Variants in ATP8A2 observed in about 807,000 individuals in gnomAD.
The protein encoded by ATP8A2 is ATPase phospholipid transporting 8A2, also known as phospholipid-transporting ATPase IB.
Under a neutral mutation model 165.6 loss-of-function variants are expected in ATP8A2, and 100 were observed. The observed-to-expected ratio is 0.60, with a 90% CI of 0.51 to 0.71. ATP8A2 has a LOEUF of 0.71. Ranked by LOEUF, ATP8A2 falls within the 30% of genes least tolerant of loss-of-function variation. ATP8A2 has a pLI of 0.00. For missense variants in ATP8A2, 1,227 were observed against 1,479.5 expected, an observed-to-expected ratio of 0.83 and a Z score of 2.80; for synonymous variants, 543 against 548.8, an observed-to-expected ratio of 0.99 and a Z score of 0.15.
chr13:25,471,353 GTT>G (rs1295573875), intron 2 of ATP8A2, among the ~76,000 whole-genome samples: 12,317 of 143,728 alleles, frequency 0.086, 817 homozygotes, highest in African/African-American at 0.19. Flanking sequence ...GGAAGGTAAA[GTT>G]TTTTTTTTTT....
At chr13:25,957,918 T>C (rs1285869596) in intron 33 of ATP8A2, among the ~76,000 whole-genome samples, 1 of 152,084 alleles carries the variant, frequency 6.6e-6, no homozygotes, top group East Asian at 1.9e-4. Context: ...ATATAAACCA[T>C]GGAATACTAT....
chr13:25,868,462 A>G (rs749268036), intron 33 of ATP8A2, among the ~76,000 whole-genome samples: 1 of 152,222 alleles, frequency 6.6e-6, no homozygotes, highest in Non-Finnish European at 1.5e-5. Context: ...TTCGGTTTGG[A>G]ATAACATCGT....
intron 27 of ATP8A2, among the ~76,000 whole-genome samples, chr13:25,821,295 A>G (rs989091300): frequency 2.0e-5 from 3 of 152,218 alleles, no homozygotes; most frequent in African/African-American, 7.2e-5. Context: ...GTTAATGTCA[A>G]CAAGGTCAGT....
intron 28 of ATP8A2, among the ~76,000 whole-genome samples, chr13:25,829,238 T>C (rs1951394780): frequency 2.0e-5 from 3 of 152,290 alleles, no homozygotes; most frequent in Admixed American, 2.0e-4. Context: ...GAGTTGAAAT[T>C]GTGTTGGTGA....
intron 33 of ATP8A2, among the ~76,000 whole-genome samples, chr13:25,871,654 C>CTTAA (rs1410396897): frequency 6.6e-6 from 1 of 152,154 alleles, no homozygotes; most frequent in Non-Finnish European, 1.5e-5. Flanking sequence ...ACTGAACAGA[C>CTTAA]TTAAAAGTAG....
intron 2 of ATP8A2, among the ~76,000 whole-genome samples, chr13:25,481,819 G>A (rs894608645): frequency 6.6e-6 from 1 of 152,138 alleles, no homozygotes; most frequent in South Asian, 2.1e-4. Context: ...GAGCGAGAGT[G>A]AAGGAGAGAC....
chr13:25,445,161 A>G (rs887245145), intron 1 of ATP8A2, among the ~76,000 whole-genome samples: 4 of 152,200 alleles, frequency 2.6e-5, no homozygotes, highest in African/African-American at 9.7e-5. Context: ...TTTGATTTTA[A>G]TGAAGTCAAA....
chr13:25,505,489 A>G (rs9578871), intron 2 of ATP8A2, among the ~76,000 whole-genome samples: 108,151 of 152,160 alleles, frequency 0.71, 40,087 homozygotes, highest in African/African-American at 0.85. Context: ...ATTTAACCTC[A>G]TAGACTTCTT....
intron 1 of ATP8A2, among the ~76,000 whole-genome samples, chr13:25,430,475 G>A (rs1349679710): frequency 6.6e-6 from 1 of 152,214 alleles, no homozygotes; most frequent in Admixed American, 6.5e-5. Flanking sequence ...CCTCGGCAGA[G>A]CAATTTCAGA....
intron 24 of ATP8A2, among the ~76,000 whole-genome samples, chr13:25,608,753 A>G (rs2040581671): frequency 6.6e-6 from 1 of 152,212 alleles, no homozygotes; most frequent in Non-Finnish European, 1.5e-5. Context: ...CTGCATTTGC[A>G]TACTTCTCAA....
chr13:25,592,192 C>T (rs535652744), intron 24 of ATP8A2, among the ~76,000 whole-genome samples: 1 of 87,828 alleles, frequency 1.1e-5, no homozygotes, highest in South Asian at 3.0e-4. Flanking sequence ...AATCCTTTGC[C>T]CATTTTTTAA....
chr13:25,821,943 T>C (rs1312797511), intron 27 of ATP8A2, among the ~76,000 whole-genome samples: 3 of 152,316 alleles, frequency 2.0e-5, no homozygotes, highest in East Asian at 3.9e-4. Context: ...CAAGTCTCCC[T>C]CTTTCCCCCA....
At chr13:25,626,414 A>C (rs112468154) in intron 24 of ATP8A2, among the ~76,000 whole-genome samples, 2 of 152,266 alleles carry the variant, frequency 1.3e-5, no homozygotes, top group Admixed American at 6.5e-5. Context: ...ATCTTCTTTT[A>C]AAGTCACCAG....
At chr13:25,462,706 C>T (rs576514511) in intron 1 of ATP8A2, among the ~76,000 whole-genome samples, 4 of 152,312 alleles carry the variant, frequency 2.6e-5, no homozygotes, top group African/African-American at 9.6e-5. Flanking sequence ...AACCCCCAAC[C>T]CTCTAACCAC....
At chr13:25,698,356 G>A (rs1417776657) in intron 24 of ATP8A2, among the ~76,000 whole-genome samples, 6 of 151,864 alleles carry the variant, frequency 4.0e-5, no homozygotes, top group Non-Finnish European at 8.8e-5. Context: ...GAGTAGCTGC[G>A]ACTACAGACA....
chr13:25,862,334 A>T lies in ATP8A2; in HGVS notation c.3109A>T (p.Thr1037Ser), dbSNP rs138600634. 33 of 1,614,122 alleles carry T rather than the reference A, an allele frequency of 2.0e-5. No individual in the cohort carries two copies. Among genetic ancestry groups the T allele is most frequent in the Non-Finnish European group, 2.7e-5 (32 of 1,179,986 alleles). The change falls in exon 33 of 37, where the codon ACC (threonine) becomes TCC (serine). Residue 1037 changes from threonine (T) to serine (S), a missense_variant. By Grantham distance (58) the Thr-to-Ser change is moderately conservative (BLOSUM62 1). Transcript: ENST00000381655. ...TCTGGCTGTCTGGGGAAGCATGCTG[A>T]CCTGGCTGGTGTTTTTTGGCATCTA... ...SHLAVWGSML[T>S]WLVFFGIYST...
At chr13:25,670,217 T>C (rs1311158552) in intron 24 of ATP8A2, among the ~76,000 whole-genome samples, 1 of 152,242 alleles carries the variant, frequency 6.6e-6, no homozygotes, top group Admixed American at 6.5e-5. Flanking sequence ...AGTGCCCTAC[T>C]CCACCATTTT....
rs150439001 is a variant in ATP8A2 at position 25,410,518 on chromosome 13, G to T, written c.76+38230G>T. Among the ~76,000 whole-genome samples, 24 of 152,288 alleles carry T rather than the reference G, an allele frequency of 1.6e-4. No individual in the cohort carries two copies. The East Asian group carries it at 4.0e-3, about 26-fold the overall frequency. On this transcript the variant is annotated intron_variant, in intron 1 of 36. Coordinates refer to ENST00000381655, the MANE Select transcript of ATP8A2 (RefSeq NM_016529.6). ...ACAACACTGTGCATGGTGCATGTCA[G>T]TTCATTCTAAACAAAGTAAAAGGAT...
intron 33 of ATP8A2, among the ~76,000 whole-genome samples, chr13:25,905,559 A>C (rs1953913266): frequency 6.6e-6 from 1 of 152,164 alleles, no homozygotes; most frequent in Non-Finnish European, 1.5e-5. Flanking sequence ...TTTCGCCAAC[A>C]GCGGTTGGTG....
Sources: allele counts gnomAD v4.1 joint callset (sites outside exome capture counted in the v4.1 genomes callset), GRCh38; gene constraint gnomAD v4.1.1; transcripts MANE v1.5; gene names NCBI Gene and HGNC (gene_info 2026-07-23, HGNC 2026-07-21).